Variants in DLG2 observed in about 807,000 individuals in gnomAD.
The protein encoded by DLG2 is discs large MAGUK scaffold protein 2, also known as disks large homolog 2.
A neutral mutation model predicts 132.5 loss-of-function variants in DLG2; 45 were observed. The ratio of observed to expected loss-of-function variants is 0.34; its 90% confidence interval spans 0.27 to 0.44. DLG2 has a LOEUF of 0.44. DLG2 is among the 20% of genes least tolerant of loss of function. DLG2 has a pLI of 1.00. For missense variants in DLG2, 1,045 were observed against 1,196.9 expected (o/e 0.87, Z 1.87); for synonymous variants, 424 against 419.6 (o/e 1.01, Z -0.13).
At chr11:85,484,048 C>A (rs539160450) in intron 3 of DLG2, among the ~76,000 whole-genome samples, 7 of 152,232 alleles carry the variant, frequency 4.6e-5, no homozygotes, top group African/African-American at 7.2e-5. Context: ...TAAATACCGG[C>A]ACGAGACCGA....
At chr11:83,932,297 C>T (rs938549609) in intron 14 of DLG2, among the ~76,000 whole-genome samples, 5 of 151,660 alleles carry the variant, frequency 3.3e-5, no homozygotes, top group African/African-American at 1.2e-4. Flanking sequence ...TGCAGTGGCG[C>T]AATCTCGGCT....
rs114790163 is a variant in DLG2 at position 84,078,290 on chromosome 11, C to T, written c.750-18806G>A. Among the ~76,000 whole-genome samples, 1,149 of 152,196 alleles carry T rather than the reference C, an allele frequency of 7.5e-3. 7 individuals carry two copies. Among genetic ancestry groups the T allele is most frequent in the African/African-American group, 0.026 (1,094 of 41,548 alleles). On this transcript the variant is annotated intron_variant, in intron 10 of 27. Transcript: ENST00000376104. ...AATGGGAAGAAAACTGAATTCCTTCCAAGTTATATGCTCTGAATCCTGTGA... is the reference window on the plus strand; with the variant it reads ...AATGGGAAGAAAACTGAATTCCTTCTAAGTTATATGCTCTGAATCCTGTGA...
intron 3 of DLG2, among the ~76,000 whole-genome samples, chr11:85,393,090 T>G (rs1036037150): frequency 2.0e-5 from 3 of 151,954 alleles, no homozygotes; most frequent in Non-Finnish European, 2.9e-5. Flanking sequence ...AACAAACAAC[T>G]AATATCCACA....
At chr11:85,533,710 ATTGGTTTG>A (rs2075375299) in intron 3 of DLG2, among the ~76,000 whole-genome samples, 1 of 151,928 alleles carries the variant, frequency 6.6e-6, no homozygotes, top group African/African-American at 2.4e-5. Context: ...CTTTCCCCTT[ATTGGTTTG>A]TTTGATCTAC....
At chr11:83,556,753 T>G (rs1383752581) in intron 19 of DLG2, among the ~76,000 whole-genome samples, 3 of 152,198 alleles carry the variant, frequency 2.0e-5, no homozygotes, top group Non-Finnish European at 1.5e-5. Context: ...CAGTCAGCTC[T>G]GATAGAAGTG....
intron 19 of DLG2, among the ~76,000 whole-genome samples, chr11:83,602,371 A>G (rs1594275563): frequency 6.6e-6 from 1 of 152,234 alleles, no homozygotes; most frequent in East Asian, 1.9e-4. Context: ...TTACAGCACC[A>G]TGCCGGCAGT....
intron 21 of DLG2, among the ~76,000 whole-genome samples, chr11:83,498,121 G>A (rs2094248532): frequency 6.6e-6 from 1 of 151,904 alleles, no homozygotes; most frequent in Non-Finnish European, 1.5e-5. Flanking sequence ...CGATTTTTAA[G>A]TTTACTATTT....
chr11:85,330,821 A>C (rs1417173197), intron 3 of DLG2, among the ~76,000 whole-genome samples: 1 of 149,028 alleles, frequency 6.7e-6, no homozygotes, highest in Non-Finnish European at 1.5e-5. Context: ...AAGAAAAAGA[A>C]GTTGGGATGT....
At chr11:84,057,800 T>G (rs4944460) in intron 11 of DLG2, among the ~76,000 whole-genome samples, 96,725 of 151,972 alleles carry the variant, frequency 0.64, 33,589 homozygotes, top group Non-Finnish European at 0.79. Context: ...CTATTCTTAT[T>G]TGCACTTTGT....
chr11:83,921,665 T>C (rs965203070), intron 15 of DLG2, among the ~76,000 whole-genome samples: 2 of 152,136 alleles, frequency 1.3e-5, no homozygotes, highest in African/African-American at 4.8e-5. Context: ...AATTTTCTCA[T>C]AGGTAGTTTC....
chr11:83,709,981 T>A (rs1244805848), intron 18 of DLG2, among the ~76,000 whole-genome samples: 4 of 152,136 alleles, frequency 2.6e-5, no homozygotes, highest in African/African-American at 9.7e-5. Context: ...CTCACTGTTG[T>A]GGGTGAGCAT....
chr11:84,245,189 T>A (rs1251110415), intron 8 of DLG2, among the ~76,000 whole-genome samples: 3 of 152,198 alleles, frequency 2.0e-5, no homozygotes, highest in Admixed American at 6.5e-5. Flanking sequence ...GAACCCATAG[T>A]ATCCTTTTTC....
chr11:84,578,433 A>C (rs571318442), intron 6 of DLG2, among the ~76,000 whole-genome samples: 1 of 152,338 alleles, frequency 6.6e-6, no homozygotes, highest in South Asian at 2.1e-4. Flanking sequence ...GCCCAAGAGC[A>C]TGGGAACCCA....
chr11:85,179,385 T>G (rs56359522), intron 4 of DLG2, among the ~76,000 whole-genome samples: 24,146 of 151,568 alleles, frequency 0.16, 2,021 homozygotes, highest in African/African-American at 0.2. Context: ...AGTGAGCAAA[T>G]AAATAAATAA....
chr11:85,215,969 G>A lies in DLG2; in HGVS notation c.187-61318C>T, dbSNP rs1038827757. Among the ~76,000 whole-genome samples, 3 of 149,872 alleles carry A rather than the reference G, an allele frequency of 2.0e-5. No individual in the cohort carries two copies. The South Asian group carries it at 6.3e-4, about 31-fold the overall frequency. ...AAGGATCCTAAATTCTAGTGAAGAA[G>A]GACAATTAAACAGATCATTAGGATA... On this transcript the variant is annotated intron_variant, in intron 4 of 27. Coordinates refer to ENST00000376104, the MANE Select transcript of DLG2 (RefSeq NM_001142699.3).
At chr11:85,377,451 A>T (rs143409087) in intron 3 of DLG2, among the ~76,000 whole-genome samples, 1 of 152,258 alleles carries the variant, frequency 6.6e-6, no homozygotes, top group Non-Finnish European at 1.5e-5. Flanking sequence ...TGGTAAGAAA[A>T]GTACTGGGCT....
At chr11:83,962,672 G>A (rs962388518) in intron 14 of DLG2, among the ~76,000 whole-genome samples, 19 of 152,022 alleles carry the variant, frequency 1.2e-4, no homozygotes, top group African/African-American at 4.6e-4. Context: ...ATGTATAAGT[G>A]TATCTTACTA....
rs1170750017 is a variant in DLG2 at position 85,137,249 on chromosome 11, T to C, written c.282+17307A>G. Among the ~76,000 whole-genome samples, 4 of 152,266 alleles carry C rather than the reference T, an allele frequency of 2.6e-5. No homozygotes were observed. In the South Asian group the frequency reaches 6.2e-4, roughly 24 times the overall value. ...ATAAATATAAGCATGTTAATAATAATAGTAATTTATCAAGTGGCTATTATC... is the reference window on the plus strand; with the variant it reads ...ATAAATATAAGCATGTTAATAATAACAGTAATTTATCAAGTGGCTATTATC... On this transcript the variant is annotated intron_variant, in intron 5 of 27. Transcript: ENST00000376104.
At chr11:85,210,420 T>C (rs75640978) in intron 4 of DLG2, among the ~76,000 whole-genome samples, 1,858 of 152,320 alleles carry the variant, frequency 0.012, 35 homozygotes, top group African/African-American at 0.041. Flanking sequence ...AAGATATCCA[T>C]ATGGGGTTTT....
Sources: gnomAD v4.1 joint callset for allele counts (sites outside exome capture counted in the v4.1 genomes callset) on GRCh38, gnomAD v4.1.1 for gene constraint, MANE v1.5 for transcripts, NCBI Gene and HGNC (gene_info 2026-07-23, HGNC 2026-07-21) for gene names.